Variants in BACH2 observed in about 807,000 individuals in gnomAD.
The protein encoded by BACH2 is BACH transcriptional regulator 2.
Under a neutral mutation model 61.8 loss-of-function variants are expected in BACH2, and 5 were observed. That is an observed-to-expected ratio of 0.08 (90% CI 0.04 to 0.17). The LOEUF (loss-of-function observed/expected upper bound fraction) is 0.17, where lower values mean the gene tolerates loss of function less well. Ranked by LOEUF, BACH2 falls within the 10% of genes least tolerant of loss-of-function variation. BACH2 has a pLI of 1.00. For missense variants in BACH2, 824 were observed against 1,091.1 expected (o/e 0.76, Z 3.45); for synonymous variants, 446 against 440.1 (o/e 1.01, Z -0.17).
intron 3 of BACH2, among the ~76,000 whole-genome samples, chr6:90,212,935 G>T (rs1225242430): frequency 2.0e-5 from 3 of 152,114 alleles, no homozygotes; most frequent in Non-Finnish European, 2.9e-5. Context: ...TCTTGCACTT[G>T]GTCAAATGAT....
chr6:90,163,654 C>T (rs1464683178), intron 4 of BACH2, among the ~76,000 whole-genome samples: 2 of 152,042 alleles, frequency 1.3e-5, no homozygotes, highest in East Asian at 1.9e-4. Flanking sequence ...ACTATACATT[C>T]CCATCCTGTG....
chr6:89,936,861 G>C (rs1773057835), intron 8 of BACH2, among the ~76,000 whole-genome samples: 1 of 152,096 alleles, frequency 6.6e-6, no homozygotes, highest in Non-Finnish European at 1.5e-5. Flanking sequence ...GCTGCAAACA[G>C]TCTGAGGAGC....
At chr6:90,070,698 C>T (rs962011942) in intron 5 of BACH2, among the ~76,000 whole-genome samples, 6 of 152,348 alleles carry the variant, frequency 3.9e-5, no homozygotes, top group Non-Finnish European at 7.3e-5. Context: ...AATGAAGCCA[C>T]AGGTTCCACT....
chr6:89,940,954 G>A (rs1227149121), intron 7 of BACH2, among the ~76,000 whole-genome samples: 4 of 151,516 alleles, frequency 2.6e-5, no homozygotes, highest in Admixed American at 1.3e-4. Flanking sequence ...CAACAGCCAC[G>A]TGCAGCATGA....
chr6:89,952,726 C>T (rs1025930567), intron 6 of BACH2, among the ~76,000 whole-genome samples: 6 of 152,192 alleles, frequency 3.9e-5, no homozygotes, highest in African/African-American at 1.2e-4. Context: ...TGCTGCTTAT[C>T]TGTTATATTT....
At chr6:90,254,472 G>A (rs1397614447) in intron 2 of BACH2, among the ~76,000 whole-genome samples, 5 of 152,070 alleles carry the variant, frequency 3.3e-5, no homozygotes, top group Non-Finnish European at 7.4e-5. Flanking sequence ...ATGGTATAAT[G>A]CCCCTCAAAG....
At chr6:90,255,855 G>C (rs1252008617) in intron 2 of BACH2, among the ~76,000 whole-genome samples, 7 of 152,174 alleles carry the variant, frequency 4.6e-5, no homozygotes, top group Admixed American at 2.6e-4. Context: ...CAGGAACGAA[G>C]GGGCCAGTCC....
At position 89,951,743 on chromosome 6, in the gene BACH2, C is replaced by T; in HGVS notation, c.363G>A (p.Leu121=). 6.2e-7 allele frequency: 1 copy of T among 1,614,236 alleles called. No individual in the cohort carries two copies. The highest frequency in any genetic ancestry group is 1.7e-5 in the Admixed American group (1 of 60,034). Residue 121 remains leucine, a synonymous_variant, in exon 7 of 9, where the codon CTG becomes CTA. Transcript: ENST00000257749. This position sits in a 1 kb window ranked among gnomAD's most constrained non-coding sequence, Gnocchi z 6.4. ...RCAEFLRMHN[L]EDSCFSFLQT... is the part of the protein sequence containing the mutation. ...GCAGGAAGCTGAAGCAGGAGTCCTC[C>T]AGGTTGTGCATGCGCAGGAACTCAG...
chr6:90,286,131 A>C (rs1772009531), intron 1 of BACH2, among the ~76,000 whole-genome samples: 1 of 152,232 alleles, frequency 6.6e-6, no homozygotes, highest in African/African-American at 2.4e-5. Context: ...TTTAATTTTA[A>C]CTAGATTTAA....
At chr6:89,942,511 C>A (rs925236944) in intron 7 of BACH2, among the ~76,000 whole-genome samples, 3 of 152,206 alleles carry the variant, frequency 2.0e-5, no homozygotes, top group Admixed American at 2.0e-4. Context: ...CACACTTGCT[C>A]CTCCAGGATC....
intron 3 of BACH2, among the ~76,000 whole-genome samples, chr6:90,237,299 C>T (rs749452459): frequency 6.6e-6 from 1 of 152,152 alleles, no homozygotes; most frequent in Non-Finnish European, 1.5e-5. Flanking sequence ...GTCATCCCTC[C>T]TCAACAAACA....
At chr6:90,204,242 C>T (rs2127848733) in intron 4 of BACH2, among the ~76,000 whole-genome samples, 1 of 152,222 alleles carries the variant, frequency 6.6e-6, no homozygotes, top group African/African-American at 2.4e-5. Context: ...GGAGAGTGCA[C>T]AATTCGAATG....
At chr6:89,959,073 T>C (rs1774586478) in intron 6 of BACH2, among the ~76,000 whole-genome samples, 1 of 149,950 alleles carries the variant, frequency 6.7e-6, no homozygotes, top group South Asian at 2.1e-4. Flanking sequence ...GCTGGCCCTG[T>C]CAATAACACA....
chr6:90,187,794 T>C (rs1768412733), intron 4 of BACH2, among the ~76,000 whole-genome samples: 1 of 152,234 alleles, frequency 6.6e-6, no homozygotes, highest in African/African-American at 2.4e-5. Flanking sequence ...TAGGCACTTT[T>C]ACATTAGTGG....
At chr6:90,122,082 G>A (rs1783651807) in intron 4 of BACH2, among the ~76,000 whole-genome samples, 1 of 152,170 alleles carries the variant, frequency 6.6e-6, no homozygotes, top group African/African-American at 2.4e-5. Context: ...TGTGTGACAA[G>A]GTTTCCTTTT....
intron 5 of BACH2, among the ~76,000 whole-genome samples, chr6:90,039,230 G>C (rs1433266922): frequency 6.6e-6 from 1 of 152,122 alleles, no homozygotes; most frequent in Non-Finnish European, 1.5e-5. Context: ...TATAAACAAG[G>C]TTGTAACGTG....
intron 5 of BACH2, among the ~76,000 whole-genome samples, chr6:90,042,658 C>T (rs1051362033): frequency 3.9e-5 from 6 of 152,182 alleles, no homozygotes; most frequent in African/African-American, 1.4e-4. Context: ...TACAATATCA[C>T]AGAAACATAA....
intron 6 of BACH2, among the ~76,000 whole-genome samples, chr6:89,969,022 A>C (rs1273514068): frequency 6.6e-6 from 1 of 151,920 alleles, no homozygotes; most frequent in Non-Finnish European, 1.5e-5. Flanking sequence ...AAAAATAATA[A>C]AAAAAGAATG....
intron 4 of BACH2, among the ~76,000 whole-genome samples, chr6:90,193,513 G>A (rs932785920): frequency 3.3e-5 from 5 of 152,168 alleles, no homozygotes; most frequent in Admixed American, 2.0e-4. Flanking sequence ...CTAGTCTGCA[G>A]AACTGTGTGA....
Sources: allele counts gnomAD v4.1 joint callset (sites outside exome capture counted in the v4.1 genomes callset), GRCh38; gene constraint gnomAD v4.1.1; non-coding constraint Gnocchi (gnomAD v3.1); transcripts MANE v1.5; gene names NCBI Gene and HGNC (gene_info 2026-07-23, HGNC 2026-07-21).